HEATR1: variants seen among roughly 807,000 people sequenced by gnomAD.
HEATR1 encodes the protein HEAT repeat containing 1.
HEATR1 carries 77 observed loss-of-function variants against 248.2 expected under a neutral mutation model. The observed-to-expected ratio is 0.31, with a 90% CI of 0.26 to 0.37. The LOEUF (loss-of-function observed/expected upper bound fraction) is 0.37. Ranked by LOEUF, HEATR1 falls within the 10% of genes least tolerant of loss-of-function variation. The pLI, the probability that HEATR1 is intolerant of heterozygous loss-of-function variation, is 1.00. For synonymous variants in HEATR1, 897 were observed against 923.1 expected (o/e 0.97, Z 0.51); for missense variants, 2,420 against 2,504.9 (o/e 0.97, Z 0.72).
chr1:236,586,083 TGAA>T, intron 15 of HEATR1, 142 bp from the exon 16 acceptor site: 9 of 1,279,784 alleles, frequency 7.0e-6, no homozygotes, highest in Non-Finnish European at 9.7e-6. Context: ...AATTTGTCTA[TGAA>T]TTGGCTTCCT....
rs1664220615 is a variant in HEATR1, at chr1:236,597,989, A to T, written c.502-10T>A. The stretch of plus-strand genomic sequence containing the variant: ...ACGGCACTCCAGATTGCTGTTATTG[A>T]TGGAAAGAACAAACTACTAGCAACA... On this transcript the variant is annotated splice_polypyrimidine_tract_variant and intron_variant, in intron 4 of 44. Coordinates refer to ENST00000366582, the MANE Select transcript of HEATR1 (RefSeq NM_018072.6). 6.3e-7 allele frequency: 1 copy of T among 1,584,418 alleles called. No homozygotes were observed. Among genetic ancestry groups the T allele is most frequent in the East Asian group, 2.2e-5 (1 of 44,676 alleles).
rs1338687092 is a variant in HEATR1, at chr1:236,597,897, A to C, written c.584T>G (p.Leu195Trp). The C allele has an allele frequency of 6.2e-7, 1 of 1,613,230 alleles. No homozygotes were observed. Among genetic ancestry groups the C allele is most frequent in the Non-Finnish European group, 8.5e-7 (1 of 1,179,570 alleles). ...DLGFMDFICS[L>W]VTKSVKVFAE... ...GCTCACCTTCACAGATTTTGTCACC[A>C]AACTGCAAATGAAATCCATGAATCC... Residue 195 changes from leucine (L) to tryptophan (W), a missense_variant, in exon 5 of 45, where the codon TTG becomes TGG. Coordinates refer to ENST00000366582, the MANE Select transcript of HEATR1 (RefSeq NM_018072.6).
At chr1:236,570,255 C>G (rs1454786643) in intron 28 of HEATR1, among the ~76,000 whole-genome samples, 3 of 152,234 alleles carry the variant, frequency 2.0e-5, no homozygotes, top group African/African-American at 4.8e-5. Context: ...CGCCACTGCA[C>G]TCCAGCCTCG....
chr1:236,554,882 G>A (rs1261490069), intron 41 of HEATR1, 130 bp from the exon 42 acceptor site: 1 of 801,670 alleles, frequency 1.2e-6, no homozygotes, highest in Non-Finnish European at 2.0e-6. Context: ...ATCATAATCA[G>A]GACGAAGGCA....
intron 4 of HEATR1, among the ~76,000 whole-genome samples, chr1:236,599,262 T>C (rs1664253859): frequency 6.6e-6 from 1 of 152,226 alleles, no homozygotes; most frequent in Non-Finnish European, 1.5e-5. Context: ...TTTGTGATAA[T>C]CCAAGATAAT....
intron 3 of HEATR1, among the ~76,000 whole-genome samples, chr1:236,602,389 C>T (rs1318653888): frequency 6.6e-6 from 1 of 152,184 alleles, no homozygotes; most frequent in African/African-American, 2.4e-5. Context: ...AATAATCTCA[C>T]CAGAGGAATG....
intron 5 of HEATR1, 89 bp from the exon 6 acceptor site, chr1:236,597,065 C>A: frequency 8.2e-7 from 1 of 1,221,538 alleles, no homozygotes; most frequent in Non-Finnish European, 1.1e-6. Flanking sequence ...GCTGAGATTT[C>A]AATGAACTAT....
chr1:236,580,519 C>CCTTTTT (rs34034071), intron 20 of HEATR1, among the ~76,000 whole-genome samples: 5 of 132,128 alleles, frequency 3.8e-5, no homozygotes, highest in Admixed American at 1.6e-4. Flanking sequence ...ATGTACAGCC[C>CCTTTTT]TTTTTTTTTT....
At chr1:236,561,335 C>A in intron 32 of HEATR1, 64 bp from the exon 33 acceptor site, 1 of 1,299,892 alleles carries the variant, frequency 7.7e-7, no homozygotes, top group South Asian at 1.2e-5. Context: ...CATTTCAAGT[C>A]AGTTCAATGA....
chr1:236,589,532 AC>A (rs1035754377), intron 12 of HEATR1, among the ~76,000 whole-genome samples: 76 of 152,306 alleles, frequency 5.0e-4, no homozygotes, highest in African/African-American at 1.7e-3. Flanking sequence ...AATACTAAAA[AC>A]TCTATAAAAC....
chr1:236,585,033 TA>T lies in HEATR1; in HGVS notation c.2232del (p.Thr745LeufsTer13). ...QKKIKKLESVITAVEIPSEWH... is the reference protein window; with the variant it reads ...QKKIKKLESVXTAVEIPSEWH... ...GATTCTGCTTTCCTTACCACTGCAG[TA>T]ATGACACTTTCAAGCTTCTTTATTT... On this transcript the variant is annotated frameshift_variant, in exon 17 of 45. Coordinates refer to ENST00000366582, the MANE Select transcript of HEATR1 (RefSeq NM_018072.6). LOFTEE classifies it high-confidence loss of function. 6.2e-7 allele frequency: 1 copy of T among 1,612,792 alleles called. No individual in the cohort carries two copies. Among genetic ancestry groups the T allele is most frequent in the Non-Finnish European group, 8.5e-7 (1 of 1,179,502 alleles).
rs762242781 is a variant in HEATR1, at chr1:236,558,426, T to C, written c.5015A>G (p.Tyr1672Cys). The C allele has an allele frequency of 3.7e-6, 6 of 1,614,228 alleles. No individual in the cohort carries two copies. Among genetic ancestry groups the C allele is most frequent in the African/African-American group, 1.3e-5 (1 of 75,072 alleles). ...EQAINRQTAL[Y>C]TLKLLCKNFG... is the part of the protein sequence containing the mutation. ...ATTCTTGCATAAAAGCTTTAAGGTA[T>C]ACAACGCTGTCTGTCTGTTGATTGC... The change falls in exon 36 of 45, where the codon TAT becomes TGT. Residue 1672 changes from tyrosine (Y) to cysteine (C), a missense_variant. Physicochemically the swap from Tyr to Cys is radical, Grantham distance 194. Coordinates refer to ENST00000366582, the MANE Select transcript of HEATR1 (RefSeq NM_018072.6).
chr1:236,576,181 C>T (rs1163540830), intron 22 of HEATR1, 38 bp downstream of exon 22: 4 of 1,479,326 alleles, frequency 2.7e-6, no homozygotes, highest in East Asian at 4.9e-5. Flanking sequence ...TCTTTAGTAA[C>T]ATCACAGGAA....
Position 236,585,840 on chromosome 1 carries a change from G to T in HEATR1, c.2029C>A (p.Pro677Thr), listed in dbSNP as rs1488980962. The stretch of plus-strand genomic sequence containing the variant: ...CTTACCATCTTTAACATTGAAGAAG[G>T]ATCTCCTAAATTTATATTATCAGCC... ...LLADNINLGD[P>T]SSMLKMVEDL... is the part of the protein sequence containing the mutation. The change falls in exon 16 of 45, where the codon CCT (proline) becomes ACT (threonine). Residue 677 changes from proline (P) to threonine (T), a missense_variant. By Grantham distance (38) the Pro-to-Thr change is conservative. Transcript: ENST00000366582. The T allele has an allele frequency of 1.9e-6, 3 of 1,612,472 alleles. No individual in the cohort carries two copies. In the African/African-American group the frequency reaches 4.0e-5, roughly 22 times the overall value.
chr1:236,552,178 A>G (rs1018528886), intron 43 of HEATR1, 71 bp from the exon 44 acceptor site: 27 of 978,594 alleles, frequency 2.8e-5, no homozygotes, highest in Non-Finnish European at 3.9e-5. Flanking sequence ...AGCTGTACTG[A>G]CTTGAGACAA....
rs762744053 is a variant in HEATR1, at chr1:236,599,549, C to T, written c.435G>A (p.Val145=). 8 of 1,613,566 alleles carry T rather than the reference C, an allele frequency of 5.0e-6. No individual in the cohort carries two copies. In the South Asian group the frequency reaches 7.7e-5, roughly 16 times the overall value. The change falls in exon 4 of 45, where the codon GTG becomes GTA. Residue 145 remains valine, a synonymous_variant. Coordinates refer to ENST00000366582, the MANE Select transcript of HEATR1 (RefSeq NM_018072.6). The part of the protein sequence containing the change: ...VLPYHETRIF[V]RVIQLLKINN... ...TAATTTTTAGAAGCTGTATGACTCG[C>T]ACAAATATTCTTGTCTCGTGGTATG... is the stretch of plus-strand genomic sequence containing the variant.
At chr1:236,561,149 T>C (rs1663119895) in intron 33 of HEATR1, 76 bp downstream of exon 33, 1 of 1,040,056 alleles carries the variant, frequency 9.6e-7, no homozygotes, top group South Asian at 1.3e-5. Flanking sequence ...ATGAATTTTC[T>C]GTACTGTTTT....
At chr1:236,598,502 A>G (rs1664233637) in intron 4 of HEATR1, among the ~76,000 whole-genome samples, 1 of 149,844 alleles carries the variant, frequency 6.7e-6, no homozygotes, top group African/African-American at 2.5e-5. Flanking sequence ...TACCTGCAAT[A>G]AGAGTGCCTA....
At chr1:236,601,378 CTAGAAT>C (rs1427715811) in intron 3 of HEATR1, among the ~76,000 whole-genome samples, 1 of 152,092 alleles carries the variant, frequency 6.6e-6, no homozygotes, top group Non-Finnish European at 1.5e-5. Context: ...TCCCAAGTAG[CTAGAAT>C]TACAAGTGCT....
Sources: gnomAD v4.1 joint callset for allele counts (sites outside exome capture counted in the v4.1 genomes callset) on GRCh38, gnomAD v4.1.1 for gene constraint, MANE v1.5 for transcripts, NCBI Gene and HGNC (gene_info 2026-07-23, HGNC 2026-07-21) for gene names.